The following CEP63 variants were observed in gnomAD, a reference collection of about 807,000 sequenced individuals.
The protein encoded by CEP63 is centrosomal protein 63.
Under a neutral mutation model 89.1 loss-of-function variants are expected in CEP63, and 84 were observed. The observed-to-expected ratio is 0.94, with a 90% confidence interval of 0.79 to 1.13. The LOEUF (loss-of-function observed/expected upper bound fraction) is 1.13. Among genes scored for constraint, CEP63 ranks in the 50% most tolerant of loss-of-function variants. The pLI is 0.00. For synonymous variants in CEP63, 267 were observed against 272.5 expected (o/e 0.98, Z 0.20); for missense variants, 838 against 813.3 (o/e 1.03, Z -0.37).
the CEP63 span, among the ~76,000 whole-genome samples, chr3:134,667,300 A>C: frequency 5.7e-4 from 87 of 152,286 alleles, no homozygotes; most frequent in African/African-American, 1.9e-3. Context: ...CCTAAGGTAA[A>C]TTTCCATGCT....
At chr3:134,739,468 G>A in the CEP63 span, among the ~76,000 whole-genome samples, 5 of 152,040 alleles carry the variant, frequency 3.3e-5, no homozygotes, top group Admixed American at 1.3e-4. Flanking sequence ...AGAAATGTTC[G>A]CAGTAGCATA....
the CEP63 span, among the ~76,000 whole-genome samples, chr3:134,640,628 C>T: frequency 6.6e-6 from 1 of 152,162 alleles, no homozygotes; most frequent in Non-Finnish European, 1.5e-5. Context: ...GAAAGTGGCA[C>T]ATGGAGTAAC....
At chr3:134,504,658 T>C (rs2108349603) in intron 2 of CEP63, among the ~76,000 whole-genome samples, 1 of 152,014 alleles carries the variant, frequency 6.6e-6, no homozygotes, top group Admixed American at 6.6e-5. Flanking sequence ...TTGCAAGAAT[T>C]GGGAAGTTTT....
the CEP63 span, among the ~76,000 whole-genome samples, chr3:134,594,546 C>T: frequency 6.6e-6 from 1 of 152,036 alleles, no homozygotes; most frequent in Non-Finnish European, 1.5e-5. Context: ...GATTGTTTCC[C>T]AGAGGCAAAC....
intron 3 of CEP63, among the ~76,000 whole-genome samples, chr3:134,526,231 A>G (rs143691542): frequency 2.0e-5 from 3 of 151,914 alleles, no homozygotes; most frequent in African/African-American, 7.2e-5. Flanking sequence ...TGCTATTAAT[A>G]CTTGTGATTG....
the CEP63 span, among the ~76,000 whole-genome samples, chr3:134,659,990 G>A: frequency 3.9e-5 from 6 of 152,358 alleles, no homozygotes; most frequent in Non-Finnish European, 5.9e-5. Context: ...AGGACAAGGC[G>A]AGCTGGACAG....
At chr3:134,528,286 G>C (rs1485516440) in intron 3 of CEP63, among the ~76,000 whole-genome samples, 3 of 152,200 alleles carry the variant, frequency 2.0e-5, no homozygotes, top group African/African-American at 7.2e-5. Context: ...AGTTGTCTCA[G>C]TCCCTCATTG....
chr3:134,614,817 G>A, the CEP63 span, among the ~76,000 whole-genome samples: 1 of 152,178 alleles, frequency 6.6e-6, no homozygotes, highest in African/African-American at 2.4e-5. Context: ...CAACAGCTGT[G>A]TGGCTGAAAT....
chr3:134,546,852 A>C (rs1436329048), intron 8 of CEP63, among the ~76,000 whole-genome samples: 1 of 152,228 alleles, frequency 6.6e-6, no homozygotes, highest in Non-Finnish European at 1.5e-5. Context: ...GTCAGTTTGC[A>C]TGCTTGGTGA....
At chr3:134,709,057 A>T in the CEP63 span, among the ~76,000 whole-genome samples, 1 of 152,216 alleles carries the variant, frequency 6.6e-6, no homozygotes, top group Non-Finnish European at 1.5e-5. Context: ...TATAAGACCC[A>T]GGGTACAGAT....
chr3:134,779,969 A>G, the CEP63 span: 1 of 152,214 alleles, frequency 6.6e-6, no homozygotes, highest in Non-Finnish European at 1.5e-5. Context: ...AAAGAAGCAC[A>G]TGTTAAACTT....
At chr3:134,620,829 A>AG in the CEP63 span, 1 of 1,612,872 alleles carries the variant, frequency 6.2e-7, no homozygotes, top group South Asian at 1.1e-5. Flanking sequence ...GTCACTCACC[A>AG]GTTCGTCTAG....
chr3:134,707,402 C>A, the CEP63 span, among the ~76,000 whole-genome samples: 1 of 152,154 alleles, frequency 6.6e-6, no homozygotes, highest in Admixed American at 6.5e-5. Context: ...GGTACAGGGG[C>A]CAGAGGGCTA....
the CEP63 span, among the ~76,000 whole-genome samples, chr3:134,623,439 A>G: frequency 2.6e-5 from 4 of 151,778 alleles, no homozygotes; most frequent in South Asian, 2.1e-4. Flanking sequence ...AGCCTTCTCT[A>G]TGTCTCAGGT....
intron 1 of CEP63, among the ~76,000 whole-genome samples, chr3:134,490,883 T>C (rs1937384679): frequency 6.6e-6 from 1 of 152,226 alleles, no homozygotes; most frequent in African/African-American, 2.4e-5. Flanking sequence ...ATATATGTCC[T>C]GTAGATCCCC....
chr3:134,668,154 G>C, the CEP63 span, among the ~76,000 whole-genome samples: 33 of 152,250 alleles, frequency 2.2e-4, no homozygotes, highest in Non-Finnish European at 3.7e-4. Flanking sequence ...TCAGGTCTCT[G>C]CTAAAATCCT....
At chr3:134,679,652 A>G in the CEP63 span, among the ~76,000 whole-genome samples, 1 of 152,190 alleles carries the variant, frequency 6.6e-6, no homozygotes, top group African/African-American at 2.4e-5. Flanking sequence ...ATTTGGAGAT[A>G]TGGTCTTTAA....
the CEP63 span, chr3:134,604,179 G>A: frequency 6.2e-7 from 1 of 1,610,506 alleles, no homozygotes; most frequent in Admixed American, 1.7e-5. Flanking sequence ...GCTTCATGAT[G>A]CCCATCTGCT....
chr3:134,512,007 G>C (rs1945085367), intron 3 of CEP63, among the ~76,000 whole-genome samples: 2 of 152,212 alleles, frequency 1.3e-5, no homozygotes, highest in East Asian at 3.8e-4. Flanking sequence ...GCTTGCACCA[G>C]AATGTAAATC....
Sources: allele counts gnomAD v4.1 joint callset (sites outside exome capture counted in the v4.1 genomes callset), GRCh38; gene constraint gnomAD v4.1.1; transcripts MANE v1.5; gene names NCBI Gene and HGNC (gene_info 2026-07-23, HGNC 2026-07-21).